KIF17: variants seen among roughly 807,000 people sequenced by gnomAD.
KIF17 encodes kinesin family member 17.
Under a neutral mutation model 96.8 loss-of-function variants are expected in KIF17, and 80 were observed. That is an observed-to-expected ratio of 0.83 (90% CI 0.69 to 1.00). KIF17 has a LOEUF of 1.00. Among genes scored for constraint, KIF17 ranks in the 50% least tolerant of loss-of-function variants. The probability of loss-of-function intolerance (pLI) is 0.00; values close to 1 mark genes in which losing one functional copy is unlikely to be tolerated. For synonymous variants in KIF17, 567 were observed against 587.5 expected (o/e 0.97, Z 0.51); for missense variants, 1,280 against 1,372.9 (o/e 0.93, Z 1.07).
In KIF17 at chr1:20,704,327, G is replaced by A; in HGVS notation, c.1123+120C>T. On this transcript the variant is annotated intron_variant, in intron 5 of 14. Transcript: ENST00000400463. This position sits in a 1 kb window ranked among gnomAD's most constrained non-coding sequence, Gnocchi z 6.8. Reference sequence around the variant, plus strand: ...GGCCCTGCGCTCACATGGGGCTGAGGGGTGGGAGGATGCTGCTCCCACTGT... The same window carrying A: ...GGCCCTGCGCTCACATGGGGCTGAGAGGTGGGAGGATGCTGCTCCCACTGT... 1 of 819,078 alleles carries A rather than the reference G, an allele frequency of 1.2e-6. No individual in the cohort carries two copies. Among genetic ancestry groups the A allele is most frequent in the South Asian group, 1.4e-5 (1 of 69,000 alleles). 50.7% of individuals were successfully genotyped at this position (819,078 alleles called of 1,614,324 possible).
rs2154538216 is a variant in KIF17, at chr1:20,717,839, C to G, written c.-133G>C. ...CCTTGAGGCAGGGGCGGGGCCGCGG[C>G]GGGGGGCGGGGACCCCTCGGGGGGC... is the stretch of plus-strand genomic sequence containing the variant. On this transcript the variant is annotated 5_prime_UTR_variant, in exon 1 of 15. Coordinates refer to ENST00000400463, the MANE Select transcript of KIF17 (RefSeq NM_001122819.3). 1.3e-6 allele frequency: 1 copy of G among 794,302 alleles called. No individual in the cohort carries two copies. The allele number at this position is 794,302 out of a possible 1,614,324, so 49.2% of individuals were successfully genotyped here.
chr1:20,715,593 G>A lies in KIF17; in HGVS notation c.278C>T (p.Thr93Ile). 1 of 1,613,354 alleles carries A rather than the reference G, an allele frequency of 6.2e-7. No individual in the cohort carries two copies. The highest frequency in any genetic ancestry group is 1.7e-5 in the Admixed American group (1 of 59,992). The change falls in exon 2 of 15, where the codon ACA (threonine) becomes ATA (isoleucine). Residue 93 changes from threonine (T) to isoleucine (I), a missense_variant. By Grantham distance (89) the Thr-to-Ile change is moderately conservative. Coordinates refer to ENST00000400463, the MANE Select transcript of KIF17 (RefSeq NM_001122819.3). ...CATGGTGAAGGACTTCCCGCTGCCT[G>A]TCTGGCCGTAGGCAAAGATGGTGCC... The part of the protein sequence containing the change: ...YNGTIFAYGQ[T>I]GSGKSFTMQG...
rs769503970 is a variant in KIF17, at chr1:20,666,314, C to G, written c.2808G>C (p.Arg936Ser). The G allele has an allele frequency of 6.2e-7, 1 of 1,613,870 alleles. No homozygotes were observed. The highest frequency in any genetic ancestry group is 2.2e-5 in the East Asian group (1 of 44,900). ...CACTGTTGCTCCGACTGAGCATGAGCCTGTAGCGGTCGTCCTCCTGCCGAG... is the reference window on the plus strand; with the variant it reads ...CACTGTTGCTCCGACTGAGCATGAGGCTGTAGCGGTCGTCCTCCTGCCGAG... ...GEPNMEDDRY[R>S]LMLSRSNSEN... Residue 936 changes from arginine (R) to serine (S), a missense_variant, in exon 14 of 15, where the codon AGG becomes AGC. Arg to Ser is a moderately radical substitution (Grantham distance 110). Transcript: ENST00000400463.
chr1:20,686,976 C>A (rs2053948659), intron 8 of KIF17, among the ~76,000 whole-genome samples: 2 of 152,166 alleles, frequency 1.3e-5, no homozygotes, highest in Non-Finnish European at 2.9e-5. Context: ...TGAAAGGTGG[C>A]TGGATTCCCA....
chr1:20,686,667 T>C (rs1397762218), intron 8 of KIF17, among the ~76,000 whole-genome samples: 6 of 152,154 alleles, frequency 3.9e-5, no homozygotes, highest in Admixed American at 3.9e-4. Flanking sequence ...GTGATCCTCC[T>C]GCCTCAGCCT....
downstream of KIF17, among the ~76,000 whole-genome samples, chr1:20,663,652 C>T (rs1419067019): frequency 6.6e-6 from 1 of 152,168 alleles, no homozygotes; most frequent in East Asian, 1.9e-4. Context: ...GTCCTAGGTA[C>T]CCCCCTATGT....
chr1:20,705,508 G>A (rs1378317143), intron 4 of KIF17, among the ~76,000 whole-genome samples: 1 of 152,188 alleles, frequency 6.6e-6, no homozygotes, highest in East Asian at 1.9e-4. Flanking sequence ...TTTTCCGCTT[G>A]CCAGCATAAT....
intron 12 of KIF17, 140 bp from the exon 13 acceptor site, chr1:20,670,628 T>C: frequency 1.3e-6 from 1 of 792,256 alleles, no homozygotes; most frequent in Non-Finnish European, 2.2e-6. Context: ...GGGATAATTT[T>C]AAGAAACAGA....
Position 20,684,968 on chromosome 1 carries a change from G to A in KIF17, c.2072C>T (p.Pro691Leu), listed in dbSNP as rs1158946568. 6.2e-7 allele frequency: 1 copy of A among 1,606,010 alleles called. No homozygotes were observed. The highest frequency in any genetic ancestry group is 8.5e-7 in the Non-Finnish European group (1 of 1,176,466). The change falls in exon 10 of 15, where the codon CCT (proline) becomes CTT (leucine). Residue 691 changes from proline (P) to leucine (L), a missense_variant. Physicochemically the swap from Pro to Leu is moderately conservative, Grantham distance 98. Coordinates refer to ENST00000400463, the MANE Select transcript of KIF17 (RefSeq NM_001122819.3). ...GGCCTGAGCCTCCAACCACACGCCA[G>A]GCTCTGCTGTCCGCACCACCTCTAA... The part of the protein sequence containing the change: ...VALEVVRTAE[P>L]GVWLEAQAPV...
At chr1:20,712,893 A>AT (rs1557607156) in intron 3 of KIF17, among the ~76,000 whole-genome samples, 29 of 90,024 alleles carry the variant, frequency 3.2e-4, no homozygotes, top group Non-Finnish European at 4.6e-4. Context: ...TAATATAGAT[A>AT]ATATTATCTA....
intron 6 of KIF17, among the ~76,000 whole-genome samples, chr1:20,691,076 C>A (rs2054032014): frequency 6.6e-6 from 1 of 151,590 alleles, no homozygotes. Context: ...TGAGGCAGAT[C>A]GCTTGAGGCC....
At chr1:20,668,081 T>C (rs1263680641) in intron 13 of KIF17, among the ~76,000 whole-genome samples, 24 of 149,988 alleles carry the variant, frequency 1.6e-4, no homozygotes, top group Admixed American at 1.6e-3. Flanking sequence ...GAGGCCAAGG[T>C]GGGCAGATCA....
At chr1:20,686,374 C>T in intron 8 of KIF17, 1 of 575,812 alleles carries the variant, frequency 1.7e-6, no homozygotes. Flanking sequence ...TGCCTGCATC[C>T]ACTCCTCTGA....
intron 7 of KIF17, among the ~76,000 whole-genome samples, chr1:20,688,578 A>T (rs559282906): frequency 6.6e-6 from 1 of 152,038 alleles, no homozygotes; most frequent in African/African-American, 2.4e-5. Flanking sequence ...CCTTGGGACC[A>T]CTCTTCGCAC....
chr1:20,684,743 A>G, intron 10 of KIF17, 66 bp downstream of exon 10: 1 of 1,477,692 alleles, frequency 6.8e-7, no homozygotes, highest in Non-Finnish European at 9.2e-7. Context: ...CCCCGCCTCC[A>G]TCCTGGAAGG....
chr1:20,709,779 T>C lies in KIF17; in HGVS notation c.530A>G (p.His177Arg). 1 of 1,614,082 alleles carries C rather than the reference T, an allele frequency of 6.2e-7. No individual in the cohort carries two copies. The highest frequency in any genetic ancestry group is 8.5e-7 in the Non-Finnish European group (1 of 1,180,014). The change falls in exon 4 of 15, where the codon CAC (histidine) becomes CGC (arginine). Residue 177 changes from histidine (H) to arginine (R), a missense_variant. His to Arg is a conservative substitution (Grantham distance 29). Transcript: ENST00000400463. This position sits in a 1 kb window ranked among gnomAD's most constrained non-coding sequence, Gnocchi z 4.7. ...ACACTGGGCCACGCTGTGCACCGTG[T>C]GCATGGACAGCCCCTTCACGTACAC... ...KGVYVKGLSM[H>R]TVHSVAQCEH...
chr1:20,666,264 C>T lies in KIF17; in HGVS notation c.2858G>A (p.Arg953Gln), dbSNP rs1298712226. ...NSENIASNYF[R>Q]SKRASQILST... ...GAGGATCTGGCTGGCCCGCTTAGAT[C>T]GGAAGTAGTTGCTGGCAATGTTTTC... is the stretch of plus-strand genomic sequence containing the variant. The change falls in exon 14 of 15, where the codon CGA (arginine) becomes CAA (glutamine). Residue 953 changes from arginine (R) to glutamine (Q), a missense_variant. By Grantham distance (43) the Arg-to-Gln change is conservative (BLOSUM62 1). Coordinates refer to ENST00000400463, the MANE Select transcript of KIF17 (RefSeq NM_001122819.3). The T allele has an allele frequency of 4.3e-6, 7 of 1,614,180 alleles. No homozygotes were observed. The highest frequency in any genetic ancestry group is 2.7e-5 in the African/African-American group (2 of 75,064).
Position 20,699,593 on chromosome 1 carries a change from A to G in KIF17, c.1124-1105T>C, listed in dbSNP as rs2054196835. ...AAATAAATAAATAAATAGCTTATTT[A>G]TTGAAGGCCTTTTAGTCAAGGCATG... On this transcript the variant is annotated intron_variant, in intron 5 of 14. Transcript: ENST00000400463. The surrounding 1 kb of genome is among the most constrained non-coding windows in gnomAD (Gnocchi z 4.3). 6.6e-6 allele frequency among the ~76,000 whole-genome samples: 1 copy of G among 152,294 alleles called. No individual in the cohort carries two copies. The highest frequency in any genetic ancestry group is 1.5e-5 in the Non-Finnish European group (1 of 68,026).
intron 5 of KIF17, among the ~76,000 whole-genome samples, chr1:20,702,046 G>T (rs1369604476): frequency 6.6e-6 from 1 of 152,206 alleles, no homozygotes; most frequent in African/African-American, 2.4e-5. Context: ...CAAAGTGAAG[G>T]CCGCATGCAT....
Sources: allele counts gnomAD v4.1 joint callset (sites outside exome capture counted in the v4.1 genomes callset), GRCh38; gene constraint gnomAD v4.1.1; non-coding constraint Gnocchi (gnomAD v3.1); transcripts MANE v1.5; gene names NCBI Gene and HGNC (gene_info 2026-07-23, HGNC 2026-07-21).